The following RRBP1 variants were observed in gnomAD, a reference collection of about 807,000 sequenced individuals.
RRBP1 encodes the protein ribosome binding protein 1.
A neutral mutation model predicts 165.2 loss-of-function variants in RRBP1; 94 were observed. The observed-to-expected ratio is 0.57, with a 90% CI of 0.48 to 0.68. The LOEUF (loss-of-function observed/expected upper bound fraction) is 0.68. RRBP1 is among the 30% of genes least tolerant of loss of function. The pLI is 0.00. For missense variants in RRBP1, 1,676 were observed against 1,763.0 expected (o/e 0.95, Z 0.88); for synonymous variants, 680 against 714.5 (o/e 0.95, Z 0.77).
intron 1 of RRBP1, among the ~76,000 whole-genome samples, chr20:17,680,650 A>T (rs2037163583): frequency 6.6e-6 from 1 of 152,058 alleles, no homozygotes; most frequent in East Asian, 1.9e-4. Flanking sequence ...GCCACAGATA[A>T]GAAACTAGGA....
Position 17,635,603 on chromosome 20 carries a change from T to G in RRBP1, c.2399A>C (p.Gln800Pro), listed in dbSNP as rs779479909. 6.2e-7 allele frequency: 1 copy of G among 1,613,416 alleles called. No homozygotes were observed. The highest frequency in any genetic ancestry group is 8.5e-7 in the Non-Finnish European group (1 of 1,179,906). ...GPNTQLARLQ[Q>P]ENSILRDALN... is the part of the protein sequence containing the mutation. The stretch of plus-strand genomic sequence containing the variant: ...GGCATCCCGCAGGATGGAGTTCTCC[T>G]GCTGCAGGCGGGCCAGCTGCGTGTT... The change falls in exon 7 of 25, where the codon CAG becomes CCG. Residue 800 changes from glutamine to proline, a missense_variant. Transcript: ENST00000377813.
chr20:17,672,877 G>A (rs540268913), intron 2 of RRBP1, among the ~76,000 whole-genome samples: 7 of 152,266 alleles, frequency 4.6e-5, no homozygotes, highest in Non-Finnish European at 4.4e-5. Flanking sequence ...AGACACAAAA[G>A]AGCATATGCC....
intron 2 of RRBP1, among the ~76,000 whole-genome samples, chr20:17,660,984 G>T (rs908830397): frequency 6.6e-6 from 1 of 151,926 alleles, no homozygotes; most frequent in East Asian, 1.9e-4. Flanking sequence ...CCCTAGAAAT[G>T]TGATTGCTGA....
intron 5 of RRBP1, among the ~76,000 whole-genome samples, chr20:17,637,910 C>A (rs916141323): frequency 3.9e-5 from 6 of 152,204 alleles, no homozygotes; most frequent in Non-Finnish European, 8.8e-5. Context: ...TTAATTTTCT[C>A]TGGAAGACGA....
Position 17,659,966 on chromosome 20 carries a change from A to C in RRBP1, c.542T>G (p.Val181Gly). Residue 181 changes from valine to glycine, a missense_variant, in exon 3 of 25, where the codon GTG becomes GGG. By Grantham distance (109) the Val-to-Gly change is moderately radical. Transcript: ENST00000377813. ...ETAPKEVPMV[V>G]VPPVGAKGNT... ...GCCCTTGGCACCCACTGGGGGCACC[A>C]CCACCATCGGCACCTCCTTGGGAGC... 1.2e-6 allele frequency: 2 copies of C among 1,604,270 alleles called. No homozygotes were observed. Among genetic ancestry groups the C allele is most frequent in the Non-Finnish European group, 1.7e-6 (2 of 1,174,906 alleles).
chr20:17,633,390 C>T (rs1268038082), intron 8 of RRBP1, 70 bp downstream of exon 8: 1 of 1,530,882 alleles, frequency 6.5e-7, no homozygotes, highest in Non-Finnish European at 8.9e-7. Flanking sequence ...AGCCTGGGCC[C>T]ATCCCCGCTA....
At chr20:17,674,805 C>T (rs931192363) in intron 2 of RRBP1, among the ~76,000 whole-genome samples, 4 of 152,152 alleles carry the variant, frequency 2.6e-5, no homozygotes, top group African/African-American at 9.7e-5. Context: ...TTCTTGCCCA[C>T]TAAACACAAA....
Position 17,643,113 on chromosome 20 carries a change from C to T in RRBP1, c.1927G>A (p.Asp643Asn), listed in dbSNP as rs771087768. Residue 643 changes from aspartate to asparagine, a missense_variant, in exon 4 of 25, where the codon GAC becomes AAC. Asp to Asn is a conservative substitution (Grantham distance 23, BLOSUM62 1). Around this residue, in one of 5 missense-constraint regions of RRBP1, gnomAD observed 1,184 missense variants for 1,167.1 expected, o/e 1.01. Coordinates refer to ENST00000377813, the MANE Select transcript of RRBP1 (RefSeq NM_001365613.2). The surrounding 1 kb of genome is among the most constrained non-coding windows in gnomAD (Gnocchi z 4.3). ...KKGEPGPPDA[D>N]GPLYLPYKTL... ...TTGTAGGGGAGGTAGAGAGGGCCGT[C>T]GGCATCTGGGGGCCCTGTGCAGCAA... 1.4e-5 allele frequency: 22 copies of T among 1,613,792 alleles called. No individual in the cohort carries two copies. The African/African-American group carries it at 2.0e-4, about 15-fold the overall frequency.
At chr20:17,626,625 A>G (rs1054887693) in intron 11 of RRBP1, among the ~76,000 whole-genome samples, 2 of 152,050 alleles carry the variant, frequency 1.3e-5, no homozygotes, top group Admixed American at 1.3e-4. Context: ...TCCCCCACCT[A>G]CTGCTGCATG....
At chr20:17,623,037 T>G (rs1009402889) in intron 13 of RRBP1, 2 of 152,144 alleles carry the variant, frequency 1.3e-5, no homozygotes, top group Non-Finnish European at 2.9e-5. Flanking sequence ...ACCCTTGACC[T>G]CACGACCACC....
At chr20:17,632,607 C>G (rs955849431) in intron 8 of RRBP1, among the ~76,000 whole-genome samples, 1 of 152,226 alleles carries the variant, frequency 6.6e-6, no homozygotes, top group Non-Finnish European at 1.5e-5. Context: ...GCACTAATGC[C>G]CCCACGCACT....
chr20:17,615,028 G>A (rs557064980), intron 23 of RRBP1, 148 bp from the exon 24 acceptor site: 12 of 887,124 alleles, frequency 1.4e-5, no homozygotes, highest in African/African-American at 8.3e-5. Context: ...AGGTGGTGAC[G>A]ACAGGGAGGA....
intron 2 of RRBP1, among the ~76,000 whole-genome samples, chr20:17,667,631 G>C (rs1194728301): frequency 6.6e-6 from 1 of 152,142 alleles, no homozygotes; most frequent in Non-Finnish European, 1.5e-5. Context: ...CAAGGTCTTA[G>C]GTCTGCTGCC....
At chr20:17,680,358 T>TC (rs1420011915) in intron 1 of RRBP1, among the ~76,000 whole-genome samples, 2 of 152,102 alleles carry the variant, frequency 1.3e-5, no homozygotes, top group Admixed American at 1.3e-4. Flanking sequence ...TGAAGAGGTA[T>TC]CTAATGTGAG....
chr20:17,624,705 C>T, intron 12 of RRBP1, 37 bp from the exon 13 acceptor site: 1 of 1,447,210 alleles, frequency 6.9e-7, no homozygotes, highest in Non-Finnish European at 9.5e-7. Flanking sequence ...GCAGCCTGCA[C>T]TGGCAGCACG....
intron 2 of RRBP1, among the ~76,000 whole-genome samples, chr20:17,679,109 T>C (rs944568991): frequency 6.6e-6 from 1 of 152,206 alleles, no homozygotes; most frequent in Admixed American, 6.5e-5. Context: ...GACAACCTTC[T>C]GACCAGCTGG....
intron 2 of RRBP1, among the ~76,000 whole-genome samples, chr20:17,669,109 T>C (rs1445580592): frequency 1.3e-5 from 2 of 152,206 alleles, no homozygotes; most frequent in African/African-American, 4.8e-5. Flanking sequence ...TATAATGGAC[T>C]CCCTATTTTA....
chr20:17,642,897 T>C lies in RRBP1; in HGVS notation c.2061+82A>G, dbSNP rs144984922. On this transcript the variant is annotated intron_variant, in intron 4 of 24. Coordinates refer to ENST00000377813, the MANE Select transcript of RRBP1 (RefSeq NM_001365613.2). ...AGTGGAGGCTGTCCTATGAATGTCC[T>C]CTCTGTGGCAGAGGGAAGGGCAAAA... 4.5e-4 allele frequency: 646 copies of C among 1,426,108 alleles called. 7 individuals carry two copies. In the East Asian group the frequency reaches 0.015, roughly 32 times the overall value. 88.3% of individuals were successfully genotyped at this position (1,426,108 alleles called of 1,614,324 possible). A position where few individuals can be genotyped will look rare whatever the true frequency, so the allele number is the denominator to read the frequency against.
chr20:17,625,445 G>C, intron 12 of RRBP1, 67 bp downstream of exon 12: 4 of 1,427,738 alleles, frequency 2.8e-6, no homozygotes, highest in African/African-American at 1.4e-5. Flanking sequence ...CCACATAGCA[G>C]AACCTTTCCC....
Sources: gnomAD v4.1 joint callset for allele counts (sites outside exome capture counted in the v4.1 genomes callset) on GRCh38, gnomAD v4.1.1 for gene constraint, gnomAD v4.1.1 regional missense constraint, Gnocchi (gnomAD v3.1) non-coding constraint, MANE v1.5 for transcripts, NCBI Gene and HGNC (gene_info 2026-07-23, HGNC 2026-07-21) for gene names.